ST8SIA2: variants seen among roughly 807,000 people sequenced by gnomAD.
ST8SIA2 encodes the protein ST8 alpha-N-acetyl-neuraminide alpha-2,8-sialyltransferase 2.
Under a neutral mutation model 37.6 loss-of-function variants are expected in ST8SIA2, and 22 were observed. The ratio of observed to expected loss-of-function variants is 0.58; its 90% CI spans 0.42 to 0.83. The LOEUF (loss-of-function observed/expected upper bound fraction) is 0.83. Among genes scored for constraint, ST8SIA2 ranks in the 40% least tolerant of loss-of-function variants. ST8SIA2 has a pLI of 0.00. For missense variants in ST8SIA2, 382 were observed against 484.7 expected (o/e 0.79, Z 1.99); for synonymous variants, 205 against 201.2 (o/e 1.02, Z -0.16).
chr15:92,419,280 G>C (rs2049613175), intron 1 of ST8SIA2, among the ~76,000 whole-genome samples: 1 of 152,222 alleles, frequency 6.6e-6, no homozygotes, highest in African/African-American at 2.4e-5. Context: ...GTGGAGTGAG[G>C]AAACAGAGAC....
At chr15:92,425,023 G>A (rs1220678294) in intron 1 of ST8SIA2, among the ~76,000 whole-genome samples, 1 of 152,098 alleles carries the variant, frequency 6.6e-6, no homozygotes, top group Non-Finnish European at 1.5e-5. Flanking sequence ...TGTGCAAAAA[G>A]TATCCCCATA....
At chr15:92,411,234 T>C (rs1479130042) in intron 1 of ST8SIA2, among the ~76,000 whole-genome samples, 1 of 152,160 alleles carries the variant, frequency 6.6e-6, no homozygotes, top group Admixed American at 6.5e-5. Context: ...CCACAAAAGC[T>C]TAAGAGGAGC....
chr15:92,400,546 G>A (rs1596227399), intron 1 of ST8SIA2, among the ~76,000 whole-genome samples: 1 of 152,158 alleles, frequency 6.6e-6, no homozygotes, highest in Non-Finnish European at 1.5e-5. Context: ...TGGCTATGAC[G>A]TTATTCACCA....
intron 1 of ST8SIA2, among the ~76,000 whole-genome samples, chr15:92,420,031 A>G (rs1316543327): frequency 6.6e-6 from 1 of 151,994 alleles, no homozygotes; most frequent in African/African-American, 2.4e-5. Flanking sequence ...ACGCCCAGCT[A>G]ATTTTTTGTA....
intron 1 of ST8SIA2, among the ~76,000 whole-genome samples, chr15:92,420,238 G>A (rs2049623181): frequency 6.6e-6 from 1 of 152,164 alleles, no homozygotes; most frequent in Non-Finnish European, 1.5e-5. Flanking sequence ...GCTTCAGTTG[G>A]TAGTCCCTGT....
At chr15:92,450,262 TAACTC>T (rs1008159610) in intron 5 of ST8SIA2, among the ~76,000 whole-genome samples, 2 of 152,136 alleles carry the variant, frequency 1.3e-5, no homozygotes, top group African/African-American at 4.8e-5. Flanking sequence ...AAAACCCAAA[TAACTC>T]AATTCGAAAA....
chr15:92,430,092 T>C lies in ST8SIA2; in HGVS notation c.142T>C (p.Leu48=), dbSNP rs2049704400. 6.2e-7 allele frequency: 1 copy of C among 1,614,060 alleles called. No homozygotes were observed. Among genetic ancestry groups the C allele is most frequent in the African/African-American group, 1.3e-5 (1 of 74,958 alleles). Residue 48 remains leucine (L), a synonymous_variant, in exon 2 of 6, where the codon TTA becomes CTA. Coordinates refer to ENST00000268164, the MANE Select transcript of ST8SIA2 (RefSeq NM_006011.4). ...RGTIRSAVNS[L]HSKSNRAEVV... ...TACAATCAGATCAGCTGTGAACAGCTTACATAGCAAATCTAATAGGTTTGT... is the reference window on the plus strand; with the variant it reads ...TACAATCAGATCAGCTGTGAACAGCCTACATAGCAAATCTAATAGGTTTGT...
At chr15:92,398,686 A>T (rs1358507153) in intron 1 of ST8SIA2, among the ~76,000 whole-genome samples, 1 of 152,224 alleles carries the variant, frequency 6.6e-6, no homozygotes, top group African/African-American at 2.4e-5. Flanking sequence ...CCATTTATTG[A>T]TGAAGAAACC....
At chr15:92,455,460 GTCC>G (rs2049913602) in intron 5 of ST8SIA2, among the ~76,000 whole-genome samples, 1 of 152,134 alleles carries the variant, frequency 6.6e-6, no homozygotes, top group Non-Finnish European at 1.5e-5. Context: ...CGCACCCCCT[GTCC>G]TCCTCCACAG....
At chr15:92,449,199 G>T (rs2049864469) in intron 5 of ST8SIA2, among the ~76,000 whole-genome samples, 1 of 151,996 alleles carries the variant, frequency 6.6e-6, no homozygotes, top group African/African-American at 2.4e-5. Flanking sequence ...CCATCTTTAT[G>T]TCCATGAATA....
intron 2 of ST8SIA2, among the ~76,000 whole-genome samples, chr15:92,431,924 C>T (rs544757667): frequency 1.3e-5 from 2 of 152,240 alleles, no homozygotes; most frequent in Non-Finnish European, 2.9e-5. Flanking sequence ...GGAATTTTAC[C>T]ATTACCCACA....
intron 1 of ST8SIA2, among the ~76,000 whole-genome samples, chr15:92,403,598 G>A (rs562161706): frequency 4.6e-5 from 7 of 152,258 alleles, no homozygotes; most frequent in South Asian, 2.1e-4. Flanking sequence ...TCGGCTGCAC[G>A]CGGAGGAGTG....
At chr15:92,432,371 C>G (rs1428238998) in intron 2 of ST8SIA2, among the ~76,000 whole-genome samples, 1 of 152,194 alleles carries the variant, frequency 6.6e-6, no homozygotes, top group African/African-American at 2.4e-5. Context: ...ATGCCAGCTC[C>G]TGCTAGAGCC....
chr15:92,427,428 G>A (rs2049685114), intron 1 of ST8SIA2, among the ~76,000 whole-genome samples: 1 of 152,060 alleles, frequency 6.6e-6, no homozygotes, highest in African/African-American at 2.4e-5. Context: ...TAGATATATT[G>A]GTATCCTCAT....
At chr15:92,403,702 T>G (rs946441600) in intron 1 of ST8SIA2, among the ~76,000 whole-genome samples, 17 of 152,192 alleles carry the variant, frequency 1.1e-4, no homozygotes, top group African/African-American at 3.9e-4. Flanking sequence ...AGTGAATTAG[T>G]AAATTGATAG....
intron 1 of ST8SIA2, among the ~76,000 whole-genome samples, chr15:92,424,262 A>G (rs2049658023): frequency 6.6e-6 from 1 of 152,218 alleles, no homozygotes. Context: ...AAATTCTAAC[A>G]CAGCTAGGAG....
intron 5 of ST8SIA2, 42 bp downstream of exon 5, chr15:92,444,971 G>C (rs756064135): frequency 1.0e-5 from 16 of 1,601,624 alleles, no homozygotes; most frequent in Admixed American, 6.7e-5. Flanking sequence ...GTCACTAAGT[G>C]TGGGAGATTC....
chr15:92,446,653 A>T (rs893009863), intron 5 of ST8SIA2, among the ~76,000 whole-genome samples: 1 of 152,226 alleles, frequency 6.6e-6, no homozygotes, highest in Non-Finnish European at 1.5e-5. Flanking sequence ...GATAAATTAC[A>T]GGTAAACAAA....
chr15:92,400,646 A>G (rs1347676459), intron 1 of ST8SIA2, among the ~76,000 whole-genome samples: 1 of 152,198 alleles, frequency 6.6e-6, no homozygotes, highest in Non-Finnish European at 1.5e-5. Context: ...CTGCCAGTTT[A>G]GGTAAAAACC....
Sources: allele counts gnomAD v4.1 joint callset (sites outside exome capture counted in the v4.1 genomes callset), GRCh38; gene constraint gnomAD v4.1.1; transcripts MANE v1.5; gene names NCBI Gene and HGNC (gene_info 2026-07-23, HGNC 2026-07-21).